KIF13B: variants seen among roughly 807,000 people sequenced by gnomAD.
KIF13B encodes the protein kinesin-like protein KIF13B.
Under a neutral mutation model 222.0 loss-of-function variants are expected in KIF13B, and 127 were observed. That is an observed-to-expected ratio of 0.57 (90% CI 0.50 to 0.66). The LOEUF is 0.66. KIF13B is among the 30% of genes least tolerant of loss of function. KIF13B has a pLI of 0.00. For missense variants in KIF13B, 2,173 were observed against 2,379.0 expected, an observed-to-expected ratio of 0.91 and a Z score of 1.80; for synonymous variants, 976 against 919.0, an observed-to-expected ratio of 1.06 and a Z score of -1.12.
In KIF13B at chr8:29,263,069, C is replaced by T. The variant is rs1816749172; in HGVS notation, c.-35G>A. 6.4e-7 allele frequency: 1 copy of T among 1,557,334 alleles called. No homozygotes were observed. The highest frequency in any genetic ancestry group is 1.4e-5 in the African/African-American group (1 of 71,612). On this transcript the variant is annotated 5_prime_UTR_variant, in exon 1 of 40. Coordinates refer to ENST00000524189, the MANE Select transcript of KIF13B (RefSeq NM_015254.4). Reference sequence around the variant, plus strand: ...GCCGAGGAACTCGTTCGGCTTCCGTCTGCCGCGGCCACCGGCGACTCTTCG... The same window carrying T: ...GCCGAGGAACTCGTTCGGCTTCCGTTTGCCGCGGCCACCGGCGACTCTTCG...
intron 14 of KIF13B, among the ~76,000 whole-genome samples, chr8:29,154,179 T>C (rs918236692): frequency 2.0e-5 from 3 of 152,064 alleles, no homozygotes; most frequent in Non-Finnish European, 4.4e-5. Context: ...TAGGTGGGTG[T>C]GGTAACACGC....
chr8:29,244,904 T>C (rs528735336), intron 2 of KIF13B, among the ~76,000 whole-genome samples: 18 of 152,320 alleles, frequency 1.2e-4, no homozygotes, highest in African/African-American at 3.6e-4. Context: ...GGACAGATTA[T>C]AACTGACAGG....
Position 29,177,476 on chromosome 8 carries a change from T to G in KIF13B, c.823A>C (p.Asn275His), listed in dbSNP as rs1812529497. The G allele has an allele frequency of 1.2e-6, 2 of 1,606,108 alleles. No homozygotes were observed. Among genetic ancestry groups the G allele is most frequent in the Non-Finnish European group, 1.7e-6 (2 of 1,172,780 alleles). The change falls in exon 9 of 40, where the codon AAC (asparagine) becomes CAC (histidine). Residue 275 changes from asparagine to histidine, a missense_variant. This residue lies in a region of KIF13B where 1,480 missense variants were observed against 1,722.8 expected (regional missense o/e 0.86). Transcript: ENST00000524189. Reference protein sequence around the residue: ...AAGDRLKEGSNINKSLTTLGL... With the variant: ...AAGDRLKEGSHINKSLTTLGL... Reference sequence around the variant, plus strand: ...TTTGAGAGCACTTACTTGTTAATGTTGCTCCCTTCCTTCAGCCTGTCCCCT... The same window carrying G: ...TTTGAGAGCACTTACTTGTTAATGTGGCTCCCTTCCTTCAGCCTGTCCCCT...
In KIF13B at chr8:29,092,737, C is replaced by CT. The variant is rs1563692880; in HGVS notation, c.4458+7dup. 7 of 1,604,904 alleles carry CT rather than the reference C, an allele frequency of 4.4e-6. No homozygotes were observed. The South Asian group carries it at 4.4e-5, about 10-fold the overall frequency. On this transcript the variant is annotated splice_region_variant and intron_variant, in intron 37 of 39. Coordinates refer to ENST00000524189, the MANE Select transcript of KIF13B (RefSeq NM_015254.4). ...AACGTTCACAGCTGTTTTCTCGGTGCTTTTTACCTGGTGTGCGAGGGGAGA... is the reference window on the plus strand; with the variant it reads ...AACGTTCACAGCTGTTTTCTCGGTGCTTTTTTACCTGGTGTGCGAGGGGAGA...
Position 29,087,071 on chromosome 8 carries a change from A to G in KIF13B, c.4458+5674T>C, listed in dbSNP as rs572283420. Among the ~76,000 whole-genome samples the G allele has an allele frequency of 3.3e-5, 5 of 152,076 alleles. No individual in the cohort carries two copies. The East Asian group carries it at 9.7e-4, about 29-fold the overall frequency. ...AGTCCAGCCACCGTCATCAACATCC[A>G]CTCTGCTTCAGGCTTACTTGATTGG... On this transcript the variant is annotated intron_variant, in intron 37 of 39. Transcript: ENST00000524189.
chr8:29,132,916 C>CA (rs1429902959), intron 22 of KIF13B, among the ~76,000 whole-genome samples: 1 of 151,830 alleles, frequency 6.6e-6, no homozygotes, highest in Non-Finnish European at 1.5e-5. Context: ...TCATTAGCAC[C>CA]AAAAAAAGAT....
intron 14 of KIF13B, among the ~76,000 whole-genome samples, chr8:29,153,746 A>G (rs552017020): frequency 5.7e-4 from 86 of 151,346 alleles, no homozygotes; most frequent in African/African-American, 2.0e-3. Context: ...CTCCAAATCC[A>G]GGCTTCTATC....
chr8:29,099,127 A>C lies in KIF13B; in HGVS notation c.4324+6T>G. 6.3e-7 allele frequency: 1 copy of C among 1,597,674 alleles called. No individual in the cohort carries two copies. Among genetic ancestry groups the C allele is most frequent in the Non-Finnish European group, 8.6e-7 (1 of 1,164,948 alleles). ...ACAGTAATTGACAAGTGAAAAGATA[A>C]CTTACCTGGATCTGGAGAATGGTTA... On this transcript the variant is annotated splice_donor_region_variant and intron_variant, in intron 36 of 39. Transcript: ENST00000524189.
chr8:29,097,081 G>A (rs1217477041), intron 36 of KIF13B, among the ~76,000 whole-genome samples: 3 of 152,082 alleles, frequency 2.0e-5, no homozygotes, highest in South Asian at 2.1e-4. Context: ...CAAGGCAATC[G>A]CTTTTAATTT....
intron 4 of KIF13B, chr8:29,190,573 G>A (rs914018343): frequency 1.2e-5 from 2 of 172,568 alleles, no homozygotes; most frequent in African/African-American, 4.8e-5. Flanking sequence ...CTAAACACAA[G>A]TGTTTCCCTG....
chr8:29,231,143 G>C (rs1815266730), intron 2 of KIF13B, among the ~76,000 whole-genome samples: 1 of 152,116 alleles, frequency 6.6e-6, no homozygotes, highest in South Asian at 2.1e-4. Flanking sequence ...GCCTCCCAAA[G>C]TGCTGGGACT....
intron 30 of KIF13B, among the ~76,000 whole-genome samples, chr8:29,118,024 GGCATGTGCCTGTACTCACA>G (rs1005578715): frequency 6.6e-6 from 1 of 151,646 alleles, no homozygotes; most frequent in African/African-American, 2.4e-5. Flanking sequence ...CAGGTGTGAT[GGCATGTGCCTGTACTCACA>G]GCTACTTGGG....
chr8:29,171,923 C>T (rs1341749921), intron 10 of KIF13B, among the ~76,000 whole-genome samples: 1 of 150,390 alleles, frequency 6.6e-6, no homozygotes, highest in Non-Finnish European at 1.5e-5. Flanking sequence ...ACTCCCAGCT[C>T]ATTTCTGTAT....
chr8:29,168,532 G>A (rs1053519354), intron 10 of KIF13B, among the ~76,000 whole-genome samples: 2 of 152,244 alleles, frequency 1.3e-5, no homozygotes, highest in African/African-American at 4.8e-5. Context: ...TCTAAGGGTA[G>A]ATTCAAAGAA....
chr8:29,155,718 T>C lies in KIF13B; in HGVS notation c.1535+8A>G, dbSNP rs2130066375. 3 of 1,601,680 alleles carry C rather than the reference T, an allele frequency of 1.9e-6. No individual in the cohort carries two copies. The highest frequency in any genetic ancestry group is 1.3e-5 in the African/African-American group (1 of 74,936). ...CTTGTGATATGAACACTAATTCAAGTATGTTACCTGGTGTTCTTCTGAGGA... is the reference window on the plus strand; with the variant it reads ...CTTGTGATATGAACACTAATTCAAGCATGTTACCTGGTGTTCTTCTGAGGA... On this transcript the variant is annotated splice_region_variant and intron_variant, in intron 14 of 39. Transcript: ENST00000524189.
At chr8:29,104,105 G>A (rs189414266) in intron 35 of KIF13B, among the ~76,000 whole-genome samples, 2 of 151,886 alleles carry the variant, frequency 1.3e-5, no homozygotes, top group Non-Finnish European at 2.9e-5. Flanking sequence ...CCTCCCTGGC[G>A]CCGCCACCTC....
At chr8:29,170,321 G>GGAAAA (rs1446999202) in intron 10 of KIF13B, among the ~76,000 whole-genome samples, 1 of 152,158 alleles carries the variant, frequency 6.6e-6, no homozygotes, top group Non-Finnish European at 1.5e-5. Context: ...GTGAGACCCA[G>GGAAAA]GAAAACGACA....
At chr8:29,248,178 G>T (rs1816119838) in intron 1 of KIF13B, among the ~76,000 whole-genome samples, 1 of 152,056 alleles carries the variant, frequency 6.6e-6, no homozygotes, top group African/African-American at 2.4e-5. Context: ...ATCTGACCCA[G>T]CAATTCCACT....
intron 21 of KIF13B, 86 bp from the exon 22 acceptor site, chr8:29,134,296 A>G (rs2129862155): frequency 3.9e-6 from 5 of 1,286,566 alleles, no homozygotes; most frequent in East Asian, 4.6e-5. Flanking sequence ...CGGCTCTGTC[A>G]CTAACTTAGG....
Sources: allele counts gnomAD v4.1 joint callset (sites outside exome capture counted in the v4.1 genomes callset), GRCh38; gene constraint gnomAD v4.1.1; regional missense constraint gnomAD v4.1.1; transcripts MANE v1.5; gene names NCBI Gene and HGNC (gene_info 2026-07-23, HGNC 2026-07-21).